ARHGEF7: variants seen among roughly 807,000 people sequenced by gnomAD.
The protein encoded by ARHGEF7 is Rho guanine nucleotide exchange factor 7, also known as PAK-interacting exchange factor beta.
In ARHGEF7, 33 loss-of-function variants were observed where a neutral mutation model predicts 109.8. The observed-to-expected ratio is 0.30, with a 90% CI of 0.23 to 0.40. The LOEUF (loss-of-function observed/expected upper bound fraction) is 0.40. ARHGEF7 is among the 10% of genes least tolerant of loss of function. The pLI is 1.00. For missense variants in ARHGEF7, 938 were observed against 1,098.5 expected (o/e 0.85, Z 2.07); for synonymous variants, 458 against 424.6 (o/e 1.08, Z -0.97).
At chr13:111,139,413 CCTCT>C (rs964825341) in intron 1 of ARHGEF7, among the ~76,000 whole-genome samples, 1 of 152,202 alleles carries the variant, frequency 6.6e-6, no homozygotes, top group Non-Finnish European at 1.5e-5. Flanking sequence ...TCTGTCTCTC[CCTCT>C]CTGTGTCTAT....
intron 2 of ARHGEF7, among the ~76,000 whole-genome samples, chr13:111,204,049 G>A (rs953128482): frequency 7.2e-5 from 11 of 152,194 alleles, no homozygotes; most frequent in East Asian, 1.9e-4. Flanking sequence ...ATCATGACAC[G>A]TGTTCTGGGG....
Position 111,274,743 on chromosome 13 carries a change from G to C in ARHGEF7, c.1225G>C (p.Asp409His). 6.7e-7 allele frequency: 1 copy of C among 1,493,286 alleles called. No homozygotes were observed. Among genetic ancestry groups the C allele is most frequent in the Non-Finnish European group, 8.9e-7 (1 of 1,120,376 alleles). The allele number at this position is 1,493,286 out of a possible 1,614,324, so 92.5% of individuals were successfully genotyped here. A position where few individuals can be genotyped will look rare whatever the true frequency, so the allele number is the denominator to read the frequency against. The change falls in exon 11 of 22, where the codon GAT becomes CAT. Residue 409 changes from aspartate (D) to histidine (H), a missense_variant. This residue lies in a region of ARHGEF7 where 585 missense variants were observed against 723.6 expected (regional missense o/e 0.81). Transcript: ENST00000646102. ...LERHMEDYHT[D>H]RQDIQKSMAA... ...CTTTTACTCAAAGGATTATCATACAGATAGACAAGATATTCAAAAATCCAT... is the reference window on the plus strand; with the variant it reads ...CTTTTACTCAAAGGATTATCATACACATAGACAAGATATTCAAAAATCCAT...
At chr13:111,256,928 T>C (rs947317105) in intron 8 of ARHGEF7, among the ~76,000 whole-genome samples, 8 of 152,244 alleles carry the variant, frequency 5.3e-5, no homozygotes, top group Admixed American at 1.3e-4. Context: ...GCTTTATTCA[T>C]TTATTCACCA....
intron 2 of ARHGEF7, among the ~76,000 whole-genome samples, chr13:111,188,537 A>C (rs1300982607): frequency 1.3e-5 from 2 of 152,166 alleles, no homozygotes; most frequent in African/African-American, 4.8e-5. Context: ...AGCAGCCGAG[A>C]GGCTTCTGCG....
chr13:111,115,556 G>A lies in ARHGEF7; in HGVS notation c.30G>A (p.Trp10Ter). The change falls in exon 1 of 22, where the codon TGG becomes TGA. Residue 10 changes from tryptophan (W) to a stop codon, truncating the protein, a stop_gained. Transcript: ENST00000646102. LOFTEE classifies it high-confidence loss of function. Reference protein sequence around the residue: MNSAEQTVTWLITLGVLESP... With the variant: MNSAEQTVT ...ATTCCGCCGAGCAAACCGTTACGTG[G>A]CTCATCACTCTGGGGGTGCTGGAGT... is the stretch of plus-strand genomic sequence containing the variant. 1 of 1,424,950 alleles carries A rather than the reference G, an allele frequency of 7.0e-7. No homozygotes were observed. The highest frequency in any genetic ancestry group is 1.3e-5 in the South Asian group (1 of 76,964). 88.3% of individuals were successfully genotyped at this position (1,424,950 alleles called of 1,614,324 possible). A position where few individuals can be genotyped will look rare whatever the true frequency, so the allele number is the denominator to read the frequency against.
At chr13:111,234,986 C>T (rs941307447) in intron 6 of ARHGEF7, among the ~76,000 whole-genome samples, 5 of 152,264 alleles carry the variant, frequency 3.3e-5, no homozygotes, top group East Asian at 1.9e-4. Context: ...GTTTTGTGTA[C>T]GTAGCTACAG....
intron 3 of ARHGEF7, among the ~76,000 whole-genome samples, chr13:111,206,219 G>T (rs969960528): frequency 1.3e-5 from 2 of 151,224 alleles, no homozygotes; most frequent in Non-Finnish European, 1.5e-5. Context: ...TCTCAGCTTC[G>T]TCTGGCCCTT....
intron 5 of ARHGEF7, among the ~76,000 whole-genome samples, chr13:111,230,651 C>T (rs1047496874): frequency 6.6e-6 from 1 of 152,084 alleles, no homozygotes; most frequent in African/African-American, 2.4e-5. Context: ...ACAGCAGACC[C>T]ACCTTGGGCG....
chr13:111,252,557 T>C (rs2089911429), intron 8 of ARHGEF7, among the ~76,000 whole-genome samples: 1 of 152,240 alleles, frequency 6.6e-6, no homozygotes, highest in South Asian at 2.1e-4. Flanking sequence ...CTAACCACTT[T>C]AATGTCATTA....
intron 17 of ARHGEF7, among the ~76,000 whole-genome samples, chr13:111,287,832 A>G (rs1327426237): frequency 6.6e-6 from 1 of 152,206 alleles, no homozygotes; most frequent in Non-Finnish European, 1.5e-5. Flanking sequence ...CATAGACAAG[A>G]TGATGGGCCC....
chr13:111,288,299 A>G lies in ARHGEF7; in HGVS notation c.2045-55A>G. ...ATGTCTGCATTGCATTCGTCTCGCC[A>G]GTTGCCCTAGAGGCCTTTCAGTTCG... On this transcript the variant is annotated intron_variant, in intron 17 of 21. Transcript: ENST00000646102. 3.3e-6 allele frequency: 4 copies of G among 1,221,954 alleles called. No individual in the cohort carries two copies. In the South Asian group the frequency reaches 4.1e-5, roughly 13 times the overall value. 75.7% of individuals were successfully genotyped at this position (1,221,954 alleles called of 1,614,324 possible). A position where few individuals can be genotyped will look rare whatever the true frequency, so the allele number is the denominator to read the frequency against.
chr13:111,284,941 A>G (rs1370053081), intron 16 of ARHGEF7, among the ~76,000 whole-genome samples: 2 of 152,254 alleles, frequency 1.3e-5, no homozygotes, highest in African/African-American at 2.4e-5. Context: ...TAGGGAAGCC[A>G]TGAGCACATG....
At chr13:111,192,482 G>A (rs974888403) in intron 2 of ARHGEF7, among the ~76,000 whole-genome samples, 2 of 152,312 alleles carry the variant, frequency 1.3e-5, no homozygotes, top group Middle Eastern at 3.4e-3. Flanking sequence ...GAAGTAGGAC[G>A]TCATTTGTGA....
chr13:111,200,985 GA>G (rs1338996143), intron 2 of ARHGEF7, among the ~76,000 whole-genome samples: 3 of 152,186 alleles, frequency 2.0e-5, no homozygotes, highest in Admixed American at 6.5e-5. Flanking sequence ...GCTCGGGGGG[GA>G]TTTCCCTCAG....
intron 19 of ARHGEF7, chr13:111,295,316 C>G: frequency 2.0e-6 from 1 of 489,572 alleles, no homozygotes; most frequent in Non-Finnish European, 2.7e-6. Flanking sequence ...AGATAGAACC[C>G]TTCTGTCTGC....
intron 1 of ARHGEF7, chr13:111,143,664 T>TAA (rs1163267167): frequency 2.2e-4 from 34 of 152,210 alleles, no homozygotes; most frequent in African/African-American, 8.2e-4. Flanking sequence ...TATGAATCTG[T>TAA]ACTGCTCTCA....
intron 11 of ARHGEF7, among the ~76,000 whole-genome samples, chr13:111,275,284 T>C (rs1008230987): frequency 1.3e-5 from 2 of 152,022 alleles, no homozygotes; most frequent in Non-Finnish European, 2.9e-5. Context: ...CAAAATGTGC[T>C]CTATCTTTCT....
At chr13:111,116,164 T>C (rs2153302234) in intron 1 of ARHGEF7, among the ~76,000 whole-genome samples, 1 of 152,218 alleles carries the variant, frequency 6.6e-6, no homozygotes, top group South Asian at 2.1e-4. Context: ...TCTGTATTTT[T>C]AAAGAGGCAC....
intron 1 of ARHGEF7, among the ~76,000 whole-genome samples, chr13:111,148,890 T>C (rs946425808): frequency 1.3e-5 from 2 of 152,240 alleles, no homozygotes; most frequent in African/African-American, 2.4e-5. Flanking sequence ...ATCTGGACTT[T>C]GTCCATGTAA....
Sources: gnomAD v4.1 joint callset for allele counts (sites outside exome capture counted in the v4.1 genomes callset) on GRCh38, gnomAD v4.1.1 for gene constraint, gnomAD v4.1.1 regional missense constraint, MANE v1.5 for transcripts, NCBI Gene and HGNC (gene_info 2026-07-23, HGNC 2026-07-21) for gene names.